SYT16: variants seen among roughly 807,000 people sequenced by gnomAD.
SYT16 encodes the protein synaptotagmin-16.
SYT16 carries 42 observed loss-of-function variants against 61.4 expected under a neutral mutation model. The observed-to-expected ratio is 0.68, with a 90% confidence interval of 0.53 to 0.89. The LOEUF is 0.89. Ranked by LOEUF, SYT16 falls within the 40% of genes least tolerant of loss-of-function variation. The pLI, the probability that SYT16 is intolerant of heterozygous loss-of-function variation, is 0.00. For synonymous variants in SYT16, 314 were observed against 302.3 expected, an observed-to-expected ratio of 1.04 and a Z score of -0.40; for missense variants, 804 against 807.3, an observed-to-expected ratio of 1.00 and a Z score of 0.05.
At chr14:61,916,941 T>G (rs1380157157) in intron 1 of SYT16, among the ~76,000 whole-genome samples, 21 of 152,170 alleles carry the variant, frequency 1.4e-4, no homozygotes, top group Non-Finnish European at 1.5e-5. Flanking sequence ...TTTAACCAAA[T>G]AGTATTTTAT....
chr14:61,968,656 C>T (rs1474643843), intron 1 of SYT16, among the ~76,000 whole-genome samples: 2 of 152,202 alleles, frequency 1.3e-5, no homozygotes, highest in Admixed American at 1.3e-4. Flanking sequence ...TGTGTTACCT[C>T]TGTTAATCTT....
chr14:62,060,005 G>C (rs1180946954), intron 3 of SYT16, among the ~76,000 whole-genome samples: 5 of 152,022 alleles, frequency 3.3e-5, no homozygotes, highest in Non-Finnish European at 5.9e-5. Flanking sequence ...ATAGCAAGTT[G>C]TCTTGATTTA....
intron 4 of SYT16, among the ~76,000 whole-genome samples, chr14:62,070,642 G>A (rs1438305628): frequency 1.3e-5 from 2 of 152,116 alleles, no homozygotes; most frequent in East Asian, 1.9e-4. Flanking sequence ...CCAAGCAAAG[G>A]TCAAGGTATC....
intron 6 of SYT16, 66 bp from the exon 7 acceptor site, chr14:62,084,130 C>A: frequency 6.5e-7 from 1 of 1,531,976 alleles, no homozygotes; most frequent in Non-Finnish European, 8.8e-7. Context: ...AACATAATAT[C>A]GGCTTTCTCT....
chr14:61,910,516 C>T (rs528918250), intron 1 of SYT16, among the ~76,000 whole-genome samples: 1 of 132,194 alleles, frequency 7.6e-6, no homozygotes, highest in South Asian at 2.9e-4. Flanking sequence ...TGAGCCGCCG[C>T]ATCCCGCTGT....
chr14:62,084,474 C>T, intron 7 of SYT16, 89 bp downstream of exon 7: 2 of 1,397,738 alleles, frequency 1.4e-6, no homozygotes, highest in East Asian at 5.1e-5. Context: ...TTAATTTTTA[C>T]CATAAAAATG....
intron 1 of SYT16, among the ~76,000 whole-genome samples, chr14:61,813,439 T>C (rs1008642948): frequency 6.6e-6 from 1 of 152,066 alleles, no homozygotes; most frequent in African/African-American, 2.4e-5. Context: ...TCAGTGCCTT[T>C]GGAAATTGGA....
chr14:61,960,636 T>A (rs1372631124), intron 1 of SYT16, among the ~76,000 whole-genome samples: 1 of 152,166 alleles, frequency 6.6e-6, no homozygotes. Flanking sequence ...TAGAATAATA[T>A]TATCTGCAAA....
At chr14:62,072,139 C>CT (rs1354089770) in intron 4 of SYT16, among the ~76,000 whole-genome samples, 4 of 151,976 alleles carry the variant, frequency 2.6e-5, no homozygotes, top group African/African-American at 7.3e-5. Flanking sequence ...GGGGCTTTTT[C>CT]TTTTTTTCTA....
intron 1 of SYT16, among the ~76,000 whole-genome samples, chr14:61,936,267 G>A (rs183700582): frequency 6.6e-6 from 1 of 152,144 alleles, no homozygotes; most frequent in Non-Finnish European, 1.5e-5. Context: ...GAAGTTTTAG[G>A]GTTTCCATAG....
At chr14:61,932,648 A>G (rs1314358634) in intron 1 of SYT16, among the ~76,000 whole-genome samples, 1 of 152,122 alleles carries the variant, frequency 6.6e-6, no homozygotes, top group African/African-American at 2.4e-5. Flanking sequence ...ACAATTAGAG[A>G]TGAGATTTGG....
At chr14:61,856,844 G>A (rs1319475338) in intron 1 of SYT16, among the ~76,000 whole-genome samples, 2 of 152,160 alleles carry the variant, frequency 1.3e-5, no homozygotes, top group Admixed American at 6.5e-5. Flanking sequence ...AGGACCCAGA[G>A]TTTAGGGAGG....
At chr14:62,027,790 T>A (rs2054158075) in intron 3 of SYT16, among the ~76,000 whole-genome samples, 1 of 152,134 alleles carries the variant, frequency 6.6e-6, no homozygotes, top group African/African-American at 2.4e-5. Flanking sequence ...GTCAGCCATG[T>A]TTAATTTGAG....
chr14:62,098,205 G>T (rs889005736), intron 7 of SYT16, among the ~76,000 whole-genome samples: 1 of 152,160 alleles, frequency 6.6e-6, no homozygotes, highest in Non-Finnish European at 1.5e-5. Flanking sequence ...CTGCGTTTAC[G>T]CTTTAAAAAG....
intron 1 of SYT16, among the ~76,000 whole-genome samples, chr14:61,957,742 T>C (rs865845444): frequency 1.2e-4 from 18 of 152,094 alleles, no homozygotes; most frequent in Middle Eastern, 3.4e-3. Context: ...TATTCATTTA[T>C]CAGGGAAATT....
intron 6 of SYT16, 127 bp from the exon 7 acceptor site, chr14:62,084,069 C>A: frequency 2.7e-6 from 3 of 1,092,008 alleles, no homozygotes; most frequent in Non-Finnish European, 2.6e-6. Flanking sequence ...ACGCCGAGTG[C>A]GCCCTTAGTC....
intron 2 of SYT16, among the ~76,000 whole-genome samples, chr14:61,975,527 C>G (rs2051751814): frequency 6.6e-6 from 1 of 152,168 alleles, no homozygotes; most frequent in South Asian, 2.1e-4. Flanking sequence ...CAGGAGCCTT[C>G]TTCACAAGGC....
At chr14:61,961,873 C>T (rs2051129175) in intron 1 of SYT16, among the ~76,000 whole-genome samples, 1 of 152,092 alleles carries the variant, frequency 6.6e-6, no homozygotes, top group Non-Finnish European at 1.5e-5. Flanking sequence ...ACCTAAATGC[C>T]CATCAATGGT....
At chr14:61,862,147 C>T (rs2046984534) in intron 1 of SYT16, among the ~76,000 whole-genome samples, 1 of 152,116 alleles carries the variant, frequency 6.6e-6, no homozygotes, top group Non-Finnish European at 1.5e-5. Context: ...AAAAATTCAC[C>T]AGTTTTAAGT....
Sources: gnomAD v4.1 joint callset for allele counts (sites outside exome capture counted in the v4.1 genomes callset) on GRCh38, gnomAD v4.1.1 for gene constraint, MANE v1.5 for transcripts, NCBI Gene and HGNC (gene_info 2026-07-23, HGNC 2026-07-21) for gene names.